Variants in ARID1B observed in about 807,000 individuals in gnomAD.
The protein encoded by ARID1B is AT-rich interactive domain-containing protein 1B.
Under a neutral mutation model 212.3 loss-of-function variants are expected in ARID1B, and 30 were observed. The ratio of observed to expected loss-of-function variants is 0.14; its 90% CI spans 0.11 to 0.19. The LOEUF (loss-of-function observed/expected upper bound fraction) is 0.19. ARID1B is among the 10% of genes least tolerant of loss of function. The probability of loss-of-function intolerance (pLI) is 1.00; values close to 1 mark genes in which losing one functional copy is unlikely to be tolerated. For missense variants in ARID1B, 2,891 were observed against 3,204.0 expected (o/e 0.90, Z 2.36); for synonymous variants, 1,402 against 1,301.7 (o/e 1.08, Z -1.66).
At chr6:157,022,106 G>A (rs1025394095) in intron 4 of ARID1B, among the ~76,000 whole-genome samples, 42 of 151,844 alleles carry the variant, frequency 2.8e-4, no homozygotes, top group Admixed American at 2.6e-3. Context: ...CGCCAGCAGG[G>A]CCGCGGAGCC....
intron 4 of ARID1B, among the ~76,000 whole-genome samples, chr6:157,025,979 C>T (rs1358992369): frequency 6.6e-6 from 1 of 151,478 alleles, no homozygotes; most frequent in Admixed American, 6.6e-5. Context: ...GGTTGGCGTG[C>T]AGTGGCACAA....
chr6:157,042,846 A>G (rs1210606641), intron 4 of ARID1B, among the ~76,000 whole-genome samples: 3 of 152,046 alleles, frequency 2.0e-5, no homozygotes, highest in Non-Finnish European at 4.4e-5. Context: ...TTTTTAGTAG[A>G]GATGGGTTTT....
intron 4 of ARID1B, among the ~76,000 whole-genome samples, chr6:156,945,297 T>G (rs944049459): frequency 1.5e-5 from 2 of 136,152 alleles, no homozygotes; most frequent in Admixed American, 1.6e-4. Context: ...CTGGTTTTGA[T>G]CTGGGTAGAG....
rs567719662 is a variant in ARID1B at position 156,893,045 on chromosome 6, C to CTTTTTTTTTTTTTTTTTTTTTTTTTTT, written c.1987-8316_1987-8315insTTTTTTTTTTTTTTTTTTTTTTTTTTT. ...AACTCTTTTTTTTTCTTTTTTCTTC[C>CTTTTTTTTTTTTTTTTTTTTTTTTTTT]TTTTTTTTTTTTTTTGAGATGGAGT... On this transcript the variant is annotated intron_variant, in intron 2 of 19. Coordinates refer to ENST00000636930, the MANE Select transcript of ARID1B (RefSeq NM_001374828.1). Among the ~76,000 whole-genome samples, 25 of 85,916 alleles carry CTTTTTTTTTTTTTTTTTTTTTTTTTTT rather than the reference C, an allele frequency of 2.9e-4. 3 individuals carry two copies. Among genetic ancestry groups the CTTTTTTTTTTTTTTTTTTTTTTTTTTT allele is most frequent in the African/African-American group, 1.0e-3 (22 of 21,318 alleles). 56.4% of individuals were successfully genotyped at this position (85,916 alleles called of 152,430 possible). A position where few individuals can be genotyped will look rare whatever the true frequency, so the allele number is the denominator to read the frequency against.
intron 4 of ARID1B, among the ~76,000 whole-genome samples, chr6:156,958,773 G>C (rs1159613278): frequency 6.7e-6 from 1 of 150,282 alleles, no homozygotes; most frequent in Non-Finnish European, 1.5e-5. Context: ...CTAAAAAAAA[G>C]CTCTATTAAA....
intron 3 of ARID1B, among the ~76,000 whole-genome samples, chr6:156,922,717 A>G (rs1320048469): frequency 1.3e-5 from 2 of 152,010 alleles, no homozygotes; most frequent in Non-Finnish European, 2.9e-5. Context: ...TTACCCTTTA[A>G]TCTTTCTGGA....
At position 157,174,891 on chromosome 6, in the gene ARID1B, C is replaced by T; in HGVS notation, c.3390C>T (p.Gly1130=). The T allele has an allele frequency of 6.5e-7, 1 of 1,548,492 alleles. No homozygotes were observed. The highest frequency in any genetic ancestry group is 1.9e-5 in the Admixed American group (1 of 52,702). The change falls in exon 11 of 20, where the codon GGC becomes GGT. Residue 1130 remains glycine, a synonymous_variant. Transcript: ENST00000636930. The part of the protein sequence containing the change: ...SQGISQPPTP[G]NLPVPSPMSP... Reference sequence around the variant, plus strand: ...GTATTTCTCAGCCCCCAACCCCAGGCAACCTGCCAGTCCCTTCCCCAATGT... The same window carrying T: ...GTATTTCTCAGCCCCCAACCCCAGGTAACCTGCCAGTCCCTTCCCCAATGT...
At chr6:157,063,400 G>A (rs1783474768) in intron 4 of ARID1B, among the ~76,000 whole-genome samples, 1 of 152,178 alleles carries the variant, frequency 6.6e-6, no homozygotes, top group Non-Finnish European at 1.5e-5. Flanking sequence ...AGGTTAGGTA[G>A]CTGATACTGT....
chr6:157,188,266 A>G (rs1050106564), intron 13 of ARID1B, among the ~76,000 whole-genome samples: 2 of 152,074 alleles, frequency 1.3e-5, no homozygotes, highest in Non-Finnish European at 2.9e-5. Context: ...CATCTCTGAG[A>G]ACTTCTCTAA....
intron 4 of ARID1B, chr6:156,940,849 A>G (rs1387521866): frequency 6.6e-6 from 1 of 152,214 alleles, no homozygotes; most frequent in South Asian, 2.1e-4. Context: ...TCTCAGTCCA[A>G]CCCAGCTAGA....
intron 4 of ARID1B, among the ~76,000 whole-genome samples, chr6:156,975,630 T>TTTTC (rs1562522464): frequency 6.7e-6 from 1 of 149,202 alleles, no homozygotes; most frequent in African/African-American, 2.5e-5. Flanking sequence ...TTTTTTTTTT[T>TTTTC]CAGTTCCTTA....
chr6:157,005,583 C>T (rs947399699), intron 4 of ARID1B, among the ~76,000 whole-genome samples: 10 of 152,160 alleles, frequency 6.6e-5, no homozygotes, highest in South Asian at 6.2e-4. Context: ...GTAAGAAAAC[C>T]GAATTGGTAA....
chr6:157,033,661 A>T (rs1781148202), intron 4 of ARID1B, among the ~76,000 whole-genome samples: 1 of 152,158 alleles, frequency 6.6e-6, no homozygotes, highest in South Asian at 2.1e-4. Context: ...AAGAGATGTC[A>T]ATTGAAGGTT....
chr6:157,040,003 T>A (rs4501442), intron 4 of ARID1B, among the ~76,000 whole-genome samples: 2 of 150,334 alleles, frequency 1.3e-5, no homozygotes, highest in Non-Finnish European at 3.0e-5. Flanking sequence ...AGGCTAGAGT[T>A]CAGTGGTGCG....
chr6:156,811,556 T>C lies in ARID1B; in HGVS notation c.1792-17671T>C, dbSNP rs141230240. ...ATTCTGAGGCCTCTTCCCTGGGCTTTTAGGTAGCTGCCACCTCTCTGTGTG... is the reference window on the plus strand; with the variant it reads ...ATTCTGAGGCCTCTTCCCTGGGCTTCTAGGTAGCTGCCACCTCTCTGTGTG... On this transcript the variant is annotated intron_variant, in intron 1 of 19. Transcript: ENST00000636930. 4.0e-3 allele frequency among the ~76,000 whole-genome samples: 603 copies of C among 152,252 alleles called. 2 individuals are homozygous for C. The highest frequency in any genetic ancestry group is 0.014 in the African/African-American group (564 of 41,538).
At chr6:157,194,918 G>A (rs147128621) in intron 15 of ARID1B, 2 of 152,280 alleles carry the variant, frequency 1.3e-5, no homozygotes, top group African/African-American at 4.8e-5. Context: ...GAGCCCAGGA[G>A]TTCGAGGCTA....
intron 8 of ARID1B, among the ~76,000 whole-genome samples, chr6:157,154,174 G>A (rs1041713845): frequency 6.6e-6 from 1 of 152,198 alleles, no homozygotes; most frequent in Non-Finnish European, 1.5e-5. Flanking sequence ...CTAGGAGGAA[G>A]CATGATTTCA....
At chr6:157,079,656 A>G (rs1784516417) in intron 4 of ARID1B, among the ~76,000 whole-genome samples, 1 of 152,256 alleles carries the variant, frequency 6.6e-6, no homozygotes, top group African/African-American at 2.4e-5. Flanking sequence ...AGTTTTCAGT[A>G]GAGCATTTAT....
chr6:156,843,345 C>A (rs1156571645), intron 2 of ARID1B, among the ~76,000 whole-genome samples: 1 of 152,124 alleles, frequency 6.6e-6, no homozygotes, highest in Non-Finnish European at 1.5e-5. Context: ...AAAAACAGTT[C>A]ATGCTGTAAG....
Sources: gnomAD v4.1 joint callset for allele counts (sites outside exome capture counted in the v4.1 genomes callset) on GRCh38, gnomAD v4.1.1 for gene constraint, MANE v1.5 for transcripts, NCBI Gene and HGNC (gene_info 2026-07-23, HGNC 2026-07-21) for gene names.